The following HLA-DQA1 variants were observed in gnomAD, a reference collection of about 807,000 sequenced individuals.
HLA-DQA1 encodes the protein major histocompatibility complex, class II, DQ alpha 1.
In HLA-DQA1, 10 loss-of-function variants were observed where a neutral mutation model predicts 20.7. The observed-to-expected ratio is 0.48, with a 90% CI of 0.30 to 0.82. The LOEUF is 0.82. Ranked by LOEUF, HLA-DQA1 falls within the 40% of genes least tolerant of loss-of-function variation. The pLI is 0.07. For missense variants in HLA-DQA1, 127 were observed against 293.0 expected, an observed-to-expected ratio of 0.43 and a Z score of 4.14; for synonymous variants, 39 against 109.2, an observed-to-expected ratio of 0.36 and a Z score of 4.01.
chr6:32,654,345 G>A, the HLA-DQA1 span, among the ~76,000 whole-genome samples: 10,531 of 96,816 alleles, frequency 0.11, 1,164 homozygotes, highest in East Asian at 0.21. Context: ...ATAAGTACTG[G>A]AGATCGACTG....
intron 1 of HLA-DQA1, 39 bp downstream of exon 1, chr6:32,637,579 A>G (rs9272437): frequency 0.064 from 53,525 of 834,820 alleles, 10,252 homozygotes; most frequent in Admixed American, 0.24. Flanking sequence ...GGAGCTGAAA[A>G]ACAGTAAATT....
rs751477108 is a variant in HLA-DQA1, at chr6:32,642,412, A to G, written c.613+159A>G. 1.0e-5 allele frequency: 7 copies of G among 671,506 alleles called. 1 individual carries two copies. Among genetic ancestry groups the G allele is most frequent in the Non-Finnish European group, 1.7e-5 (7 of 415,940 alleles). The allele number at this position is 671,506 out of a possible 1,614,324, so 41.6% of individuals were successfully genotyped here. The stretch of plus-strand genomic sequence containing the variant: ...AAAGAATAAAGCAAAAAAAGCAGAG[A>G]TTTATTGAAAATGAAAGTACACTCT... On this transcript the variant is annotated intron_variant, in intron 3 of 4. Transcript: ENST00000343139.
chr6:32,647,612 G>GT (rs1782016833), downstream of HLA-DQA1, among the ~76,000 whole-genome samples: 1 of 152,154 alleles, frequency 6.6e-6, no homozygotes, highest in South Asian at 2.1e-4. Context: ...AGTTATGTTA[G>GT]TTTTTAGGCT....
chr6:32,642,092 G>A lies in HLA-DQA1; in HGVS notation c.452G>A (p.Gly151Glu). The change falls in exon 3 of 5, where the codon GGG becomes GAG. Residue 151 changes from glycine to glutamate, a missense_variant. By Grantham distance (98) the Gly-to-Glu change is moderately conservative. This residue lies in a region of HLA-DQA1 where 46 missense variants were observed against 152.1 expected (regional missense o/e 0.30). Coordinates refer to ENST00000343139, the MANE Select transcript of HLA-DQA1 (RefSeq NM_002122.5). ...PVVNITWLSNGQSVTEGVSET... is the reference protein window; with the variant it reads ...PVVNITWLSNEQSVTEGVSET... Reference sequence around the variant, plus strand: ...GTCAACATCACATGGCTGAGCAATGGGCAGTCAGTCACAGAAGGTGTTTCT... The same window carrying A: ...GTCAACATCACATGGCTGAGCAATGAGCAGTCAGTCACAGAAGGTGTTTCT... 2 of 1,200,812 alleles carry A rather than the reference G, an allele frequency of 1.7e-6. No homozygotes were observed. The highest frequency in any genetic ancestry group is 2.4e-6 in the Non-Finnish European group (2 of 850,168). 74.4% of individuals were successfully genotyped at this position (1,200,812 alleles called of 1,614,324 possible). A position where few individuals can be genotyped will look rare whatever the true frequency, so the allele number is the denominator to read the frequency against.
chr6:32,641,040 T>C (rs28621855), intron 1 of HLA-DQA1, among the ~76,000 whole-genome samples: 3,760 of 110,264 alleles, frequency 0.034, 682 homozygotes, highest in African/African-American at 0.074. Context: ...CATAAGTCCA[T>C]GACATGCCAG....
At chr6:32,642,813 C>T (rs758088558) in intron 4 of HLA-DQA1, 29 bp downstream of exon 4, 2 of 1,011,190 alleles carry the variant, frequency 2.0e-6, no homozygotes, top group South Asian at 1.4e-5. Context: ...ACAGTTGAAG[C>T]GGCAGTATGA....
At chr6:32,638,608 C>T (rs9272514) in intron 1 of HLA-DQA1, among the ~76,000 whole-genome samples, 7,731 of 81,068 alleles carry the variant, frequency 0.095, 1,220 homozygotes, top group East Asian at 0.19. Flanking sequence ...GTCCATGAGG[C>T]GGAAGCTGCA....
intron 1 of HLA-DQA1, chr6:32,639,782 G>A (rs1781225671): frequency 1.1e-5 from 1 of 94,984 alleles, no homozygotes; most frequent in South Asian, 3.2e-4. Context: ...AGAAAAGAAA[G>A]ACTGCATGTA....
intron 1 of HLA-DQA1, chr6:32,639,979 CA>C (rs150830913): frequency 0.11 from 10,692 of 94,610 alleles, 3,521 homozygotes; most frequent in Admixed American, 0.15. Flanking sequence ...ATAATGTGGT[CA>C]AAAACATGTT....
At chr6:32,640,529 TG>T (rs1173269897) in intron 1 of HLA-DQA1, among the ~76,000 whole-genome samples, 1 of 71,194 alleles carries the variant, frequency 1.4e-5, no homozygotes, top group African/African-American at 4.9e-5. Context: ...GTCAGAATGC[TG>T]TAGACATTTA....
At chr6:32,653,386 C>T in the HLA-DQA1 span, among the ~76,000 whole-genome samples, 299 of 94,752 alleles carry the variant, frequency 3.2e-3, 101 homozygotes, top group East Asian at 0.05. Flanking sequence ...ACCTCAGCCA[C>T]CTGAGTAGCT....
At chr6:32,653,959 GGA>G in the HLA-DQA1 span, among the ~76,000 whole-genome samples, 1 of 102,740 alleles carries the variant, frequency 9.7e-6, no homozygotes. Flanking sequence ...CAGCAGGTGG[GGA>G]AATGGGGGTA....
the HLA-DQA1 span, among the ~76,000 whole-genome samples, chr6:32,653,165 GC>G: frequency 8.5e-6 from 1 of 117,812 alleles, no homozygotes; most frequent in Non-Finnish European, 1.9e-5. Context: ...CCAAAGGGAG[GC>G]AGGTAGAACA....
chr6:32,643,310 G>A lies in HLA-DQA1; in HGVS notation c.*379G>A. 1 of 295,670 alleles carries A rather than the reference G, an allele frequency of 3.4e-6. No homozygotes were observed. The allele number at this position is 295,670 out of a possible 1,614,324, so 18.3% of individuals were successfully genotyped here. On this transcript the variant is annotated 3_prime_UTR_variant, in exon 5 of 5. Coordinates refer to ENST00000343139, the MANE Select transcript of HLA-DQA1 (RefSeq NM_002122.5). ...TCATCCAGGGCTGACTGAAACTATG[G>A]CTAATAATTGGGGTACTCTTATGTT...
the HLA-DQA1 span, among the ~76,000 whole-genome samples, chr6:32,652,548 G>A: frequency 7.1e-6 from 1 of 141,048 alleles, no homozygotes; most frequent in Non-Finnish European, 1.6e-5. Context: ...TGATACATGA[G>A]TGATATTTAG....
the HLA-DQA1 span, among the ~76,000 whole-genome samples, chr6:32,652,890 T>C: frequency 0.56 from 81,811 of 145,904 alleles, 24,007 homozygotes; most frequent in Middle Eastern, 0.7. Context: ...ACTGTATTAT[T>C]ATTCAGTCAC....
downstream of HLA-DQA1, chr6:32,643,853 G>T (rs1444617283): frequency 6.6e-6 from 1 of 151,810 alleles, no homozygotes; most frequent in African/African-American, 2.4e-5. Context: ...CATAGGGTTA[G>T]TGACAATGGG....
downstream of HLA-DQA1, among the ~76,000 whole-genome samples, chr6:32,651,780 A>C (rs1561966397): frequency 1.1e-5 from 1 of 93,414 alleles, no homozygotes; most frequent in Non-Finnish European, 2.3e-5. Context: ...TTAAATAGAA[A>C]GATATTGCCA....
At chr6:32,651,572 C>T (rs113224624), downstream of HLA-DQA1, among the ~76,000 whole-genome samples, 7,256 of 39,054 alleles carry the variant, frequency 0.19, 1,813 homozygotes, top group Middle Eastern at 0.22. Context: ...TGTCAGAGCG[C>T]GATTCCGTCT....
Sources: gnomAD v4.1 joint callset for allele counts (sites outside exome capture counted in the v4.1 genomes callset) on GRCh38, gnomAD v4.1.1 for gene constraint, gnomAD v4.1.1 regional missense constraint, MANE v1.5 for transcripts, NCBI Gene and HGNC (gene_info 2026-07-23, HGNC 2026-07-21) for gene names.